SVOP: variants seen among roughly 807,000 people sequenced by gnomAD.
The protein encoded by SVOP is SV2 related protein.
SVOP carries 17 observed loss-of-function variants against 69.1 expected under a neutral mutation model. The ratio of observed to expected loss-of-function variants is 0.25; its 90% CI spans 0.17 to 0.37. SVOP has a LOEUF of 0.37. SVOP is among the 10% of genes least tolerant of loss of function. The probability of loss-of-function intolerance (pLI) is 1.00; values close to 1 mark genes in which losing one functional copy is unlikely to be tolerated. For synonymous variants in SVOP, 238 were observed against 238.6 expected (o/e 1.00, Z 0.02); for missense variants, 435 against 597.5 (o/e 0.73, Z 2.84).
chr12:108,966,204 A>T (rs2040044752), intron 5 of SVOP, among the ~76,000 whole-genome samples: 1 of 152,130 alleles, frequency 6.6e-6, no homozygotes. Context: ...AGTGCCTATT[A>T]TGGAGTCTAT....
intron 1 of SVOP, among the ~76,000 whole-genome samples, chr12:109,007,737 A>G (rs980670003): frequency 1.3e-5 from 2 of 152,116 alleles, no homozygotes; most frequent in Non-Finnish European, 2.9e-5. Flanking sequence ...ACAGGGAAGT[A>G]TTATTAATAA....
intron 1 of SVOP, among the ~76,000 whole-genome samples, chr12:108,986,998 T>C (rs529141045): frequency 2.0e-5 from 3 of 152,298 alleles, no homozygotes; most frequent in African/African-American, 7.2e-5. Flanking sequence ...AAAATATACA[T>C]GCCATATTAA....
intron 1 of SVOP, among the ~76,000 whole-genome samples, chr12:109,014,366 C>T (rs1024830229): frequency 2.0e-5 from 3 of 152,054 alleles, no homozygotes; most frequent in African/African-American, 7.2e-5. Context: ...GTGGATAGAC[C>T]ACATTTTGTT....
At chr12:108,957,412 C>T (rs2137419821) in intron 6 of SVOP, among the ~76,000 whole-genome samples, 1 of 152,286 alleles carries the variant, frequency 6.6e-6, no homozygotes, top group South Asian at 2.1e-4. Flanking sequence ...GATCCACCTG[C>T]CTTGGCCTCC....
chr12:108,981,881 C>T (rs2040137012), intron 2 of SVOP, among the ~76,000 whole-genome samples: 1 of 151,982 alleles, frequency 6.6e-6, no homozygotes, highest in Non-Finnish European at 1.5e-5. Flanking sequence ...GTCATCCCCA[C>T]CATCAGCACT....
intron 1 of SVOP, among the ~76,000 whole-genome samples, chr12:109,010,944 C>T (rs1168764378): frequency 2.6e-5 from 4 of 151,458 alleles, no homozygotes; most frequent in African/African-American, 2.4e-5. Context: ...GGCAGGGTCT[C>T]GCTCTGTCAT....
intron 5 of SVOP, among the ~76,000 whole-genome samples, chr12:108,966,304 G>C (rs1184658405): frequency 6.6e-6 from 1 of 152,134 alleles, no homozygotes; most frequent in Non-Finnish European, 1.5e-5. Flanking sequence ...ATATAAACCT[G>C]GATGCGTTTA....
chr12:108,944,412 C>T (rs2039910869), intron 7 of SVOP, among the ~76,000 whole-genome samples: 1 of 152,196 alleles, frequency 6.6e-6, no homozygotes, highest in Non-Finnish European at 1.5e-5. Flanking sequence ...GAATGTTGGG[C>T]TGTGGGATCA....
At chr12:109,019,334 T>C (rs2040383935) in intron 1 of SVOP, among the ~76,000 whole-genome samples, 1 of 152,192 alleles carries the variant, frequency 6.6e-6, no homozygotes, top group Non-Finnish European at 1.5e-5. Context: ...GTCAGGTCTA[T>C]ATATTAGTAG....
intron 14 of SVOP, among the ~76,000 whole-genome samples, chr12:108,916,837 G>A (rs1055354940): frequency 2.0e-5 from 3 of 152,126 alleles, no homozygotes; most frequent in Non-Finnish European, 4.4e-5. Context: ...CGACCTCCCC[G>A]GGTTCAAGTG....
rs561830371 is a variant in SVOP, at chr12:108,951,130, G to C, written c.579-5964C>G. Among the ~76,000 whole-genome samples, 14 of 152,316 alleles carry C rather than the reference G, an allele frequency of 9.2e-5. No homozygotes were observed. The South Asian group carries it at 2.9e-3, about 32-fold the overall frequency. ...CTTTGGAGGAACGAGGACAGGCTTT[G>C]TGTATAAGCTCATTGTAGACACCAA... On this transcript the variant is annotated intron_variant, in intron 6 of 15. Transcript: ENST00000610966.
intron 4 of SVOP, among the ~76,000 whole-genome samples, chr12:108,975,455 T>A (rs1039450348): frequency 1.3e-5 from 2 of 152,212 alleles, no homozygotes; most frequent in Non-Finnish European, 2.9e-5. Context: ...GGCTTTCAAT[T>A]CTGCCTCTTA....
intron 7 of SVOP, among the ~76,000 whole-genome samples, chr12:108,942,971 C>T (rs2039901485): frequency 6.6e-6 from 1 of 152,040 alleles, no homozygotes; most frequent in Admixed American, 6.6e-5. Context: ...GTTGGCTACG[C>T]TGTTCTCAAA....
intron 6 of SVOP, among the ~76,000 whole-genome samples, chr12:108,947,225 C>G (rs1428385199): frequency 1.3e-5 from 2 of 152,104 alleles, no homozygotes; most frequent in African/African-American, 4.8e-5. Context: ...AGCCCTGGTT[C>G]CCTTTGGCAG....
intron 12 of SVOP, among the ~76,000 whole-genome samples, chr12:108,922,150 T>C (rs1315660630): frequency 6.6e-6 from 1 of 152,214 alleles, no homozygotes; most frequent in Non-Finnish European, 1.5e-5. Flanking sequence ...GAGTTGTTTG[T>C]ACAGCAAACA....
intron 1 of SVOP, among the ~76,000 whole-genome samples, chr12:109,019,948 C>G (rs188522647): frequency 6.6e-6 from 1 of 152,160 alleles, no homozygotes; most frequent in Non-Finnish European, 1.5e-5. Flanking sequence ...TTCTAACAAT[C>G]CCAAAGGGAA....
chr12:108,919,594 A>G lies in SVOP; in HGVS notation c.1268+81T>C, dbSNP rs1387720894. On this transcript the variant is annotated intron_variant, in intron 13 of 15. Coordinates refer to ENST00000610966, the MANE Select transcript of SVOP (RefSeq NM_018711.5). Reference sequence around the variant, plus strand: ...GCTTACATTAACACCTGGCCCGCACATCTACCTGGGCCTGCACCCACACCT... The same window carrying G: ...GCTTACATTAACACCTGGCCCGCACGTCTACCTGGGCCTGCACCCACACCT... The G allele has an allele frequency of 1.5e-5, 16 of 1,082,364 alleles. No homozygotes were observed. The Admixed American group carries it at 2.3e-4, about 15-fold the overall frequency. The allele number at this position is 1,082,364 out of a possible 1,614,324, so 67.0% of individuals were successfully genotyped here.
chr12:108,912,389 T>A lies in SVOP; in HGVS notation c.*146A>T. The A allele has an allele frequency of 6.0e-6, 9 of 1,508,530 alleles. No homozygotes were observed. In the South Asian group the frequency reaches 1.1e-4, roughly 18 times the overall value. 93.4% of individuals were successfully genotyped at this position (1,508,530 alleles called of 1,614,324 possible). A position where few individuals can be genotyped will look rare whatever the true frequency, so the allele number is the denominator to read the frequency against. On this transcript the variant is annotated 3_prime_UTR_variant, in exon 16 of 16. Coordinates refer to ENST00000610966, the MANE Select transcript of SVOP (RefSeq NM_018711.5). Reference sequence around the variant, plus strand: ...TGGACCTCAATGAAGATGAGCAAACTGAGTCAAGACACAAAACCCTGTTGG... The same window carrying A: ...TGGACCTCAATGAAGATGAGCAAACAGAGTCAAGACACAAAACCCTGTTGG...
chr12:108,917,646 C>CTT (rs57114699), intron 14 of SVOP, among the ~76,000 whole-genome samples: 1,794 of 144,200 alleles, frequency 0.012, 17 homozygotes, highest in African/African-American at 0.034. Flanking sequence ...CCACCTCATT[C>CTT]TTTTTTTTTT....
Sources: allele counts gnomAD v4.1 joint callset (sites outside exome capture counted in the v4.1 genomes callset), GRCh38; gene constraint gnomAD v4.1.1; transcripts MANE v1.5; gene names NCBI Gene and HGNC (gene_info 2026-07-23, HGNC 2026-07-21).